Variants in MLPH observed in about 807,000 individuals in gnomAD.
MLPH encodes exophilin-3.
In MLPH, 51 loss-of-function variants were observed where a neutral mutation model predicts 72.1. The ratio of observed to expected loss-of-function variants is 0.71; its 90% CI spans 0.56 to 0.89. The LOEUF (loss-of-function observed/expected upper bound fraction) is 0.89, where lower values mean the gene tolerates loss of function less well. MLPH is among the 40% of genes least tolerant of loss of function. The pLI, the probability that MLPH is intolerant of heterozygous loss-of-function variation, is 0.00. For synonymous variants in MLPH, 301 were observed against 310.1 expected (o/e 0.97, Z 0.31); for missense variants, 743 against 759.9 (o/e 0.98, Z 0.26).
At chr2:237,491,445 G>A (rs1442843002) in intron 1 of MLPH, among the ~76,000 whole-genome samples, 4 of 152,252 alleles carry the variant, frequency 2.6e-5, no homozygotes, top group Admixed American at 1.3e-4. Context: ...TCTGAGGGCC[G>A]AGGGCTTCCC....
chr2:237,490,665 C>T (rs1242034090), intron 1 of MLPH, among the ~76,000 whole-genome samples: 2 of 152,130 alleles, frequency 1.3e-5, no homozygotes, highest in Non-Finnish European at 2.9e-5. Flanking sequence ...GGTGAATGCT[C>T]TTCTTATGAT....
intron 9 of MLPH, chr2:237,537,808 G>T (rs1025277995): frequency 6.6e-6 from 1 of 152,354 alleles, no homozygotes; most frequent in East Asian, 1.9e-4. Flanking sequence ...GGAGGCACCT[G>T]CTCTCCCTCC....
intron 2 of MLPH, among the ~76,000 whole-genome samples, chr2:237,504,677 A>G (rs528647025): frequency 6.6e-6 from 1 of 152,316 alleles, no homozygotes; most frequent in East Asian, 1.9e-4. Context: ...CCATGCTGGT[A>G]GGGATTTTGC....
Position 237,506,915 on chromosome 2 carries a change from G to A in MLPH, c.111-3659G>A, listed in dbSNP as rs906760845. Among the ~76,000 whole-genome samples, 29 of 152,070 alleles carry A rather than the reference G, an allele frequency of 1.9e-4. 1 individual carries two copies. The highest frequency in any genetic ancestry group is 5.1e-4 in the African/African-American group (21 of 41,406). ...ACATGTTTTCTAGGCTGTAGTATTT[G>A]AAGAAAATCTAGGCTCATACAGATA... is the stretch of plus-strand genomic sequence containing the variant. On this transcript the variant is annotated intron_variant, in intron 2 of 15. Coordinates refer to ENST00000264605, the MANE Select transcript of MLPH (RefSeq NM_024101.7).
At chr2:237,528,978 A>C (rs1413532821) in intron 8 of MLPH, among the ~76,000 whole-genome samples, 1 of 152,144 alleles carries the variant, frequency 6.6e-6, no homozygotes, top group Non-Finnish European at 1.5e-5. Flanking sequence ...ATACTTGATC[A>C]AGTATTATAT....
rs550185303 is a variant in MLPH at position 237,553,229 on chromosome 2, G to A, written c.1777-337G>A. 2.2e-3 allele frequency: 1,110 copies of A among 493,906 alleles called. 16 individuals are homozygous for A. Among genetic ancestry groups the A allele is most frequent in the Non-Finnish European group, 4.6e-4 (115 of 248,170 alleles). 30.6% of individuals were successfully genotyped at this position (493,906 alleles called of 1,614,324 possible). On this transcript the variant is annotated intron_variant, in intron 15 of 15. Coordinates refer to ENST00000264605, the MANE Select transcript of MLPH (RefSeq NM_024101.7). ...GTTGGTTGCGGGAGGGGACCAATCC[G>A]AGGTACTTTCCATTTTCATCTGAGA...
chr2:237,504,477 C>A (rs1179534960), intron 2 of MLPH, among the ~76,000 whole-genome samples: 1 of 152,164 alleles, frequency 6.6e-6, no homozygotes, highest in Non-Finnish European at 1.5e-5. Flanking sequence ...CTTGGCCTCC[C>A]AAAGTGCTGG....
chr2:237,518,367 A>G, intron 4 of MLPH, 172 bp from the exon 5 acceptor site: 1 of 698,866 alleles, frequency 1.4e-6, no homozygotes, highest in Admixed American at 2.0e-5. Flanking sequence ...GGATTGGTAG[A>G]TGGGTAGATG....
chr2:237,503,194 C>G (rs1370268116), intron 2 of MLPH, among the ~76,000 whole-genome samples: 1 of 152,028 alleles, frequency 6.6e-6, no homozygotes, highest in African/African-American at 2.4e-5. Flanking sequence ...CTTAGCCGGA[C>G]TAGTTGGAAT....
intron 14 of MLPH, chr2:237,552,117 TGCC>T (rs1461338157): frequency 1.9e-6 from 1 of 526,660 alleles, no homozygotes; most frequent in Non-Finnish European, 3.4e-6. Context: ...AGAATGTTAA[TGCC>T]AGTGCCAGAG....
At chr2:237,503,908 G>C (rs1328770481) in intron 2 of MLPH, among the ~76,000 whole-genome samples, 1 of 152,126 alleles carries the variant, frequency 6.6e-6, no homozygotes, top group Non-Finnish European at 1.5e-5. Context: ...TGCATTTTAG[G>C]CTGCCCACCT....
chr2:237,548,058 C>G (rs547724592), intron 13 of MLPH, among the ~76,000 whole-genome samples: 1 of 152,242 alleles, frequency 6.6e-6, no homozygotes, highest in Non-Finnish European at 1.5e-5. Context: ...AGGATGTTTA[C>G]AGCACCCAGC....
chr2:237,491,037 C>T (rs1266256471), intron 1 of MLPH, among the ~76,000 whole-genome samples: 1 of 152,230 alleles, frequency 6.6e-6, no homozygotes, highest in Non-Finnish European at 1.5e-5. Flanking sequence ...GCTCTGTAGA[C>T]ATTTTTATTT....
At chr2:237,525,892 C>A in intron 7 of MLPH, 87 bp downstream of exon 7, 5 of 1,296,298 alleles carry the variant, frequency 3.9e-6, no homozygotes, top group South Asian at 2.5e-5. Flanking sequence ...CTGACCTATC[C>A]AACACACGGG....
In MLPH at chr2:237,540,383, A is replaced by G. The variant is rs2080645853; in HGVS notation, c.1140A>G (p.Val380=). 6.2e-7 allele frequency: 1 copy of G among 1,613,650 alleles called. No individual in the cohort carries two copies. Among genetic ancestry groups the G allele is most frequent in the African/African-American group, 1.3e-5 (1 of 74,940 alleles). ...LGAGVRTEAD[V]EEEALRRKLE... ...CTGGAGTGCGCACGGAGGCCGATGT[A>G]GAGGAGGAGGCCCTGAGGAGGAAGC... is the stretch of plus-strand genomic sequence containing the variant. Residue 380 remains valine (V), a synonymous_variant, in exon 10 of 16, where the codon GTA becomes GTG. Transcript: ENST00000264605.
chr2:237,529,843 A>AGC (rs2080381603), intron 8 of MLPH, among the ~76,000 whole-genome samples: 1 of 152,160 alleles, frequency 6.6e-6, no homozygotes, highest in Admixed American at 6.5e-5. Context: ...CCTGGTACAG[A>AGC]GCCCCTCCTC....
In MLPH at chr2:237,538,819, G is replaced by C. The variant is rs1418518880; in HGVS notation, c.1105-1529G>C. ...ACAAGTGGAACACAGGTCAGGAGGT[G>C]GAGGAAGGTACAGAAAAATAAATCA... is the stretch of plus-strand genomic sequence containing the variant. On this transcript the variant is annotated intron_variant, in intron 9 of 15. Coordinates refer to ENST00000264605, the MANE Select transcript of MLPH (RefSeq NM_024101.7). 2.6e-5 allele frequency among the ~76,000 whole-genome samples: 4 copies of C among 152,228 alleles called. No homozygotes were observed. In the South Asian group the frequency reaches 8.3e-4, roughly 31 times the overall value.
intron 4 of MLPH, among the ~76,000 whole-genome samples, chr2:237,511,988 C>T (rs1368187316): frequency 1.3e-5 from 2 of 152,182 alleles, no homozygotes; most frequent in Non-Finnish European, 2.9e-5. Context: ...CCACTAAGCC[C>T]GGCCAAGCAT....
At chr2:237,545,637 G>C (rs2106404639) in intron 12 of MLPH, 1 of 1,281,234 alleles carries the variant, frequency 7.8e-7, no homozygotes, top group African/African-American at 1.5e-5. Context: ...CATCAGAGGA[G>C]CTGCTCACGT....
Sources: gnomAD v4.1 joint callset for allele counts (sites outside exome capture counted in the v4.1 genomes callset) on GRCh38, gnomAD v4.1.1 for gene constraint, MANE v1.5 for transcripts, NCBI Gene and HGNC (gene_info 2026-07-23, HGNC 2026-07-21) for gene names.